Variants in RSU1 observed in about 807,000 individuals in gnomAD.
RSU1 encodes rsu-1.
Under a neutral mutation model 31.1 loss-of-function variants are expected in RSU1, and 26 were observed. That is an observed-to-expected ratio of 0.84 (90% CI 0.61 to 1.16). The LOEUF (loss-of-function observed/expected upper bound fraction) is 1.16. RSU1 is among the 50% of genes most tolerant of loss of function. The probability of loss-of-function intolerance (pLI) is 0.00; values close to 1 mark genes in which losing one functional copy is unlikely to be tolerated. For synonymous variants in RSU1, 164 were observed against 136.3 expected (o/e 1.20, Z -1.41); for missense variants, 320 against 339.1 (o/e 0.94, Z 0.44).
intron 8 of RSU1, among the ~76,000 whole-genome samples, chr10:16,608,712 C>G (rs530137880): frequency 6.6e-6 from 1 of 151,864 alleles, no homozygotes; most frequent in African/African-American, 2.4e-5. Context: ...TGAACTCCAT[C>G]TCCTCTTTTT....
chr10:16,802,196 A>C (rs1385593856), intron 2 of RSU1, among the ~76,000 whole-genome samples: 1 of 151,848 alleles, frequency 6.6e-6, no homozygotes, highest in East Asian at 1.9e-4. Flanking sequence ...GCTAACCAAA[A>C]AAAAAAAAAG....
chr10:16,761,949 G>A (rs1837218568), intron 4 of RSU1, among the ~76,000 whole-genome samples: 3 of 151,966 alleles, frequency 2.0e-5, no homozygotes, highest in Admixed American at 6.6e-5. Context: ...ATCAAGTCTC[G>A]GCTCCTGTGC....
At chr10:16,754,641 A>T (rs1297114367) in intron 5 of RSU1, among the ~76,000 whole-genome samples, 1 of 151,372 alleles carries the variant, frequency 6.6e-6, no homozygotes, top group Non-Finnish European at 1.5e-5. Context: ...AATCTCTCTC[A>T]GAATGTTAAT....
At chr10:16,724,710 G>A (rs1252807195) in intron 7 of RSU1, among the ~76,000 whole-genome samples, 1 of 152,206 alleles carries the variant, frequency 6.6e-6, no homozygotes, top group African/African-American at 2.4e-5. Flanking sequence ...TCAACCCACT[G>A]ACAGCCTCTA....
At chr10:16,793,553 G>A (rs992615781) in intron 2 of RSU1, among the ~76,000 whole-genome samples, 4 of 152,038 alleles carry the variant, frequency 2.6e-5, no homozygotes, top group Admixed American at 2.0e-4. Context: ...CAAACACACA[G>A]TTTTTGCTCC....
At chr10:16,715,027 A>C (rs1836111143) in intron 7 of RSU1, among the ~76,000 whole-genome samples, 1 of 152,212 alleles carries the variant, frequency 6.6e-6, no homozygotes, top group Non-Finnish European at 1.5e-5. Context: ...ATGACTGCCA[A>C]GTCTCCACTG....
At chr10:16,700,147 G>A (rs1392855181) in intron 7 of RSU1, among the ~76,000 whole-genome samples, 1 of 152,058 alleles carries the variant, frequency 6.6e-6, no homozygotes, top group African/African-American at 2.4e-5. Context: ...GAAACATGTG[G>A]CTAGCGGCAC....
intron 7 of RSU1, among the ~76,000 whole-genome samples, chr10:16,706,812 C>T (rs1166141591): frequency 1.3e-5 from 2 of 152,092 alleles, no homozygotes; most frequent in South Asian, 2.1e-4. Context: ...TGTAACAGAA[C>T]ATCAAAATTT....
Position 16,777,887 on chromosome 10 carries a change from C to T in RSU1, c.160+4147G>A, listed in dbSNP as rs149664856. ...ATTGCTGCCTTCCCACGCATCTGAG[C>T]GGTCATGAAAACAGTTTCCCTGGCT... On this transcript the variant is annotated intron_variant, in intron 3 of 8. Coordinates refer to ENST00000345264, the MANE Select transcript of RSU1 (RefSeq NM_012425.4). Among the ~76,000 whole-genome samples, 660 of 152,220 alleles carry T rather than the reference C, an allele frequency of 4.3e-3. 4 individuals carry two copies. The highest frequency in any genetic ancestry group is 6.1e-3 in the Non-Finnish European group (417 of 68,020).
chr10:16,628,989 C>T (rs765190211), intron 8 of RSU1, among the ~76,000 whole-genome samples: 3 of 152,144 alleles, frequency 2.0e-5, no homozygotes, highest in Non-Finnish European at 4.4e-5. Flanking sequence ...CCTCACTGTC[C>T]TCCATTCCTC....
chr10:16,769,752 C>T (rs749153118), intron 3 of RSU1, among the ~76,000 whole-genome samples: 13 of 152,150 alleles, frequency 8.5e-5, no homozygotes, highest in East Asian at 1.9e-4. Context: ...TTACCCCATG[C>T]GATAATGCGA....
Position 16,753,312 on chromosome 10 carries a change from T to A in RSU1, c.401-312A>T, listed in dbSNP as rs540548134. 2.4e-4 allele frequency among the ~76,000 whole-genome samples: 36 copies of A among 152,358 alleles called. 1 individual carries two copies. The highest frequency in any genetic ancestry group is 8.7e-4 in the African/African-American group (36 of 41,590). On this transcript the variant is annotated intron_variant, in intron 5 of 8. Coordinates refer to ENST00000345264, the MANE Select transcript of RSU1 (RefSeq NM_012425.4). ...TGCTATACTTCTCATAGATTACTTT[T>A]GATTCACATTTATTTCTCCATTTGC...
At chr10:16,779,409 G>A (rs911111132) in intron 3 of RSU1, among the ~76,000 whole-genome samples, 1 of 152,104 alleles carries the variant, frequency 6.6e-6, no homozygotes, top group South Asian at 2.1e-4. Flanking sequence ...AAAACCACTG[G>A]CAAGAAAAGG....
chr10:16,757,718 G>A (rs189492378), intron 4 of RSU1, among the ~76,000 whole-genome samples: 248 of 152,278 alleles, frequency 1.6e-3, no homozygotes, highest in African/African-American at 5.7e-3. Context: ...CATACCGCAC[G>A]GAGGCCAAAG....
intron 7 of RSU1, among the ~76,000 whole-genome samples, chr10:16,720,118 C>G (rs1216785118): frequency 6.6e-6 from 1 of 152,224 alleles, no homozygotes; most frequent in Non-Finnish European, 1.5e-5. Flanking sequence ...CATTTGCTTT[C>G]CTTCCCGCAA....
intron 3 of RSU1, among the ~76,000 whole-genome samples, chr10:16,777,354 T>C (rs1380306143): frequency 6.6e-6 from 1 of 151,958 alleles, no homozygotes. Context: ...AAGAGAAATG[T>C]TTCTAATTTG....
intron 2 of RSU1, among the ~76,000 whole-genome samples, chr10:16,811,029 C>G (rs1838398103): frequency 6.6e-6 from 1 of 151,514 alleles, no homozygotes; most frequent in South Asian, 2.1e-4. Flanking sequence ...CTCAAAAACA[C>G]AAACAAACAA....
intron 8 of RSU1, among the ~76,000 whole-genome samples, chr10:16,635,009 A>G (rs1442431715): frequency 6.6e-6 from 1 of 152,214 alleles, no homozygotes; most frequent in Non-Finnish European, 1.5e-5. Flanking sequence ...TTACCAAGTT[A>G]TTATATACCT....
intron 8 of RSU1, among the ~76,000 whole-genome samples, chr10:16,621,231 A>G (rs1417651334): frequency 6.6e-6 from 1 of 152,118 alleles, no homozygotes; most frequent in East Asian, 1.9e-4. Flanking sequence ...GGTGGAGATC[A>G]GGGATGCCAC....
Sources: allele counts gnomAD v4.1 joint callset (sites outside exome capture counted in the v4.1 genomes callset), GRCh38; gene constraint gnomAD v4.1.1; transcripts MANE v1.5; gene names NCBI Gene and HGNC (gene_info 2026-07-23, HGNC 2026-07-21).